The following ATP10B variants were observed in gnomAD, a reference collection of about 807,000 sequenced individuals.
ATP10B encodes the protein phospholipid-transporting ATPase VB.
ATP10B carries 122 observed loss-of-function variants against 141.2 expected under a neutral mutation model. That is an observed-to-expected ratio of 0.86 (90% CI 0.75 to 1.00). The LOEUF (loss-of-function observed/expected upper bound fraction) is 1.00. ATP10B is among the 50% of genes least tolerant of loss of function. ATP10B has a pLI of 0.00. For synonymous variants in ATP10B, 685 were observed against 692.0 expected, an observed-to-expected ratio of 0.99 and a Z score of 0.16; for missense variants, 1,876 against 1,825.3, an observed-to-expected ratio of 1.03 and a Z score of -0.51.
rs1554099353 is a variant in ATP10B, at chr5:160,643,032, G to GGAGAGT, written c.868+1105_868+1106insACTCTC. Among the ~76,000 whole-genome samples, 50 of 151,476 alleles carry GGAGAGT rather than the reference G, an allele frequency of 3.3e-4. 1 individual carries two copies. Among genetic ancestry groups the GGAGAGT allele is most frequent in the Non-Finnish European group, 4.4e-4 (30 of 67,694 alleles). ...TTTCTTTTTTGGTACAGTGGAGATT[G>GGAGAGT]CTGGAGAGTTCATTTTTAATAGGTT... On this transcript the variant is annotated intron_variant, in intron 9 of 25. Coordinates refer to ENST00000327245, the MANE Select transcript of ATP10B (RefSeq NM_025153.3).
chr5:160,848,152 A>G (rs1038942672), intron 1 of ATP10B, among the ~76,000 whole-genome samples: 57 of 152,324 alleles, frequency 3.7e-4, no homozygotes, highest in African/African-American at 1.3e-3. Flanking sequence ...GGAACCTTTC[A>G]GATCTTCAAG....
chr5:160,581,413 G>C (rs1004429878), intron 24 of ATP10B, among the ~76,000 whole-genome samples: 2 of 152,008 alleles, frequency 1.3e-5, no homozygotes, highest in Non-Finnish European at 2.9e-5. Flanking sequence ...TTTACCCAGT[G>C]GTCATTCAGG....
At chr5:160,669,422 A>T (rs892479836) in intron 7 of ATP10B, among the ~76,000 whole-genome samples, 2 of 152,130 alleles carry the variant, frequency 1.3e-5, no homozygotes, top group African/African-American at 4.8e-5. Flanking sequence ...GAGATGGCTG[A>T]TGAGTGGTGA....
intron 1 of ATP10B, among the ~76,000 whole-genome samples, chr5:160,822,269 A>G (rs1774166216): frequency 6.6e-6 from 1 of 152,182 alleles, no homozygotes; most frequent in African/African-American, 2.4e-5. Context: ...AAGGTGTTCA[A>G]CATCACTGAT....
At chr5:160,600,923 T>C (rs555152626) in intron 21 of ATP10B, among the ~76,000 whole-genome samples, 171 of 152,322 alleles carry the variant, frequency 1.1e-3, no homozygotes, top group African/African-American at 4.0e-3. Flanking sequence ...ATTTTGAGCA[T>C]GGCATTGGGC....
At chr5:160,637,029 CATCCATCCATGA>C (rs1759446460) in intron 10 of ATP10B, among the ~76,000 whole-genome samples, 2 of 126,894 alleles carry the variant, frequency 1.6e-5, no homozygotes, top group Non-Finnish European at 1.6e-5. Flanking sequence ...TCCATCCATC[CATCCATCCATGA>C]ATCCATCCAT....
At position 160,817,843 on chromosome 5, in the gene ATP10B, C is replaced by T. The variant is rs1004601825; in HGVS notation, c.-575-32040G>A. ...AGAACAGAGCCCTCAGAAATAATGC[C>T]GCATATCTACAGCCATCTGATCTTT... On this transcript the variant is annotated intron_variant, in intron 1 of 25. Transcript: ENST00000327245. Among the ~76,000 whole-genome samples the T allele has an allele frequency of 2.5e-4, 38 of 152,174 alleles. 1 individual carries two copies. The highest frequency in any genetic ancestry group is 4.8e-4 in the African/African-American group (20 of 41,524).
rs1375021813 is a variant in ATP10B at position 160,632,257 on chromosome 5, T to C, written c.1492A>G (p.Ser498Gly). The C allele has an allele frequency of 6.8e-6, 11 of 1,614,192 alleles. No individual in the cohort carries two copies. Among genetic ancestry groups the C allele is most frequent in the East Asian group, 2.2e-5 (1 of 44,882 alleles). The change falls in exon 13 of 26, where the codon AGC becomes GGC. Residue 498 changes from serine to glycine, a missense_variant. By Grantham distance (56) the Ser-to-Gly change is moderately conservative. Coordinates refer to ENST00000327245, the MANE Select transcript of ATP10B (RefSeq NM_025153.3). The stretch of plus-strand genomic sequence containing the variant: ...CTCAGAGGCTGAGCACCTTTTTGGC[T>C]TCTCATAGTTGCTGGATCCTGGGCC... ...RWAQDPATMR[S>G]QKGAQPLRRS...
intron 8 of ATP10B, among the ~76,000 whole-genome samples, chr5:160,648,401 A>G (rs1179962393): frequency 6.6e-6 from 1 of 152,170 alleles, no homozygotes; most frequent in African/African-American, 2.4e-5. Context: ...AATTCTTCCA[A>G]TGTGGCCCAG....
the ATP10B span, among the ~76,000 whole-genome samples, chr5:160,894,887 G>A: frequency 2.6e-5 from 4 of 152,114 alleles, no homozygotes; most frequent in African/African-American, 4.8e-5. Flanking sequence ...AGAAGAAAGC[G>A]GGAGCCAATA....
At chr5:160,691,209 G>A (rs904248674) in intron 3 of ATP10B, among the ~76,000 whole-genome samples, 3 of 152,122 alleles carry the variant, frequency 2.0e-5, no homozygotes, top group African/African-American at 7.2e-5. Context: ...CCTGTTGTGG[G>A]GTTAGGGGCT....
chr5:160,813,657 G>A (rs1038996007), intron 1 of ATP10B, among the ~76,000 whole-genome samples: 3 of 152,194 alleles, frequency 2.0e-5, no homozygotes, highest in Non-Finnish European at 4.4e-5. Flanking sequence ...GCACGCAGCT[G>A]GAGATCTGAG....
chr5:160,681,827 A>C (rs1006751707), intron 6 of ATP10B, among the ~76,000 whole-genome samples: 1 of 152,210 alleles, frequency 6.6e-6, no homozygotes, highest in Non-Finnish European at 1.5e-5. Flanking sequence ...GGTTATTTCA[A>C]ATAAAAATAT....
chr5:160,870,113 C>T, the ATP10B span, among the ~76,000 whole-genome samples: 18 of 152,058 alleles, frequency 1.2e-4, no homozygotes, highest in Admixed American at 9.2e-4. Context: ...CAGCCTTCCA[C>T]GTGGGAGAAG....
chr5:160,670,107 T>C (rs147840693), intron 7 of ATP10B, among the ~76,000 whole-genome samples: 11 of 151,926 alleles, frequency 7.2e-5, no homozygotes, highest in South Asian at 2.1e-4. Context: ...TGAGTTGGGA[T>C]TGGATGAGCA....
intron 2 of ATP10B, among the ~76,000 whole-genome samples, chr5:160,735,907 G>T (rs1460062673): frequency 6.6e-6 from 1 of 151,966 alleles, no homozygotes; most frequent in Non-Finnish European, 1.5e-5. Flanking sequence ...GGTAAATAAA[G>T]AAATTAAGGA....
chr5:160,812,639 C>T (rs187594501), intron 1 of ATP10B, among the ~76,000 whole-genome samples: 23 of 152,038 alleles, frequency 1.5e-4, no homozygotes, highest in Admixed American at 2.0e-4. Flanking sequence ...TCTTTAATAG[C>T]AGAATTGATC....
intron 18 of ATP10B, among the ~76,000 whole-genome samples, chr5:160,609,345 A>G (rs1189049876): frequency 6.6e-6 from 1 of 151,518 alleles, no homozygotes; most frequent in Non-Finnish European, 1.5e-5. Flanking sequence ...AGAGATTTAG[A>G]GATTTCTGTG....
chr5:160,914,657 T>C, the ATP10B span, among the ~76,000 whole-genome samples: 1 of 152,206 alleles, frequency 6.6e-6, no homozygotes, highest in Non-Finnish European at 1.5e-5. Flanking sequence ...AACCTGCATA[T>C]GTAGAGGGCT....
Sources: gnomAD v4.1 joint callset for allele counts (sites outside exome capture counted in the v4.1 genomes callset) on GRCh38, gnomAD v4.1.1 for gene constraint, MANE v1.5 for transcripts, NCBI Gene and HGNC (gene_info 2026-07-23, HGNC 2026-07-21) for gene names.